TMEM94: variants seen among roughly 807,000 people sequenced by gnomAD.
The protein encoded by TMEM94 is ER Mg2+ ATPase.
In TMEM94, 81 loss-of-function variants were observed where a neutral mutation model predicts 158.6. The observed-to-expected ratio is 0.51, with a 90% CI of 0.43 to 0.61. The LOEUF is 0.61. Ranked by LOEUF, TMEM94 falls within the 20% of genes least tolerant of loss-of-function variation. The pLI is 0.00. For synonymous variants in TMEM94, 751 were observed against 730.7 expected (o/e 1.03, Z -0.45); for missense variants, 1,435 against 1,762.0 (o/e 0.81, Z 3.32).
At chr17:75,494,553 G>A in intron 18 of TMEM94, 74 bp from the exon 19 acceptor site, 1 of 1,472,992 alleles carries the variant, frequency 6.8e-7, no homozygotes, top group Non-Finnish European at 9.3e-7. Context: ...TTTGGGTGTG[G>A]CATCTGTGTG....
Position 75,490,275 on chromosome 17 carries a change from C to T in TMEM94, c.996C>T (p.Val332=), listed in dbSNP as rs756605977. Residue 332 remains valine (V), a synonymous_variant, in exon 10 of 32, where the codon GTC becomes GTT. Transcript: ENST00000314256. ...CCATCCTCCCCCTGCTCTTTCCAGT[C>T]CTCTGGGTTCTGGCAACTGCCTGTG... ...VLPILPLLFP[V]LWVLATACGE... is the part of the protein sequence containing the mutation. 8.1e-6 allele frequency: 13 copies of T among 1,614,028 alleles called. No individual in the cohort carries two copies. Among genetic ancestry groups the T allele is most frequent in the Non-Finnish European group, 1.0e-5 (12 of 1,180,032 alleles).
chr17:75,462,271 T>G (rs545452790), intron 1 of TMEM94, among the ~76,000 whole-genome samples: 53 of 151,890 alleles, frequency 3.5e-4, no homozygotes, highest in Non-Finnish European at 1.2e-4. Flanking sequence ...TCGATCTCTT[T>G]ACCTCGTGAT....
At chr17:75,471,204 A>G (rs2146230403) in intron 1 of TMEM94, among the ~76,000 whole-genome samples, 2 of 147,672 alleles carry the variant, frequency 1.4e-5, no homozygotes, top group South Asian at 4.3e-4. Flanking sequence ...GGGTCATAGC[A>G]CTCCAGCCTG....
chr17:75,498,815 G>T lies in TMEM94; in HGVS notation c.3827+93G>T. Reference sequence around the variant, plus strand: ...TCGGAGGGCGGGACCGGGGCCAGTGGTTTAACTGTACCCTGCCTGAGCTAA... The same window carrying T: ...TCGGAGGGCGGGACCGGGGCCAGTGTTTTAACTGTACCCTGCCTGAGCTAA... On this transcript the variant is annotated intron_variant, in intron 30 of 31. Transcript: ENST00000314256. The surrounding 1 kb of genome is among the most constrained non-coding windows in gnomAD (Gnocchi z 6.7). The T allele has an allele frequency of 6.6e-7, 1 of 1,524,226 alleles. No individual in the cohort carries two copies. Among genetic ancestry groups the T allele is most frequent in the Non-Finnish European group, 8.8e-7 (1 of 1,134,714 alleles). The allele number at this position is 1,524,226 out of a possible 1,614,324, so 94.4% of individuals were successfully genotyped here.
rs2052160365 is a variant in TMEM94, at chr17:75,491,324, CAG to C, written c.1256_1257del (p.Gln419ArgfsTer28). Reference protein sequence around the residue: ...SVTVLCCVDKQGILSWPNPSP... With the variant: ...SVTVLCCVDKXGILSWPNPSP... Reference sequence around the variant, plus strand: ...GCAGGTCCTGTGCTGTGTGGACAAACAGGGGATCCTGTCATGGCCAAATCCCA... The same window carrying C: ...GCAGGTCCTGTGCTGTGTGGACAAACGGGATCCTGTCATGGCCAAATCCCA... On this transcript the variant is annotated frameshift_variant, in exon 13 of 32. Transcript: ENST00000314256. LOFTEE classifies it high-confidence loss of function. The surrounding 1 kb of genome is among the most constrained non-coding windows in gnomAD (Gnocchi z 5.1). The C allele has an allele frequency of 1.1e-5, 17 of 1,614,046 alleles. No individual in the cohort carries two copies. The highest frequency in any genetic ancestry group is 1.3e-5 in the African/African-American group (1 of 74,956).
At chr17:75,478,024 T>C (rs2050818633) in intron 2 of TMEM94, among the ~76,000 whole-genome samples, 1 of 113,628 alleles carries the variant, frequency 8.8e-6, no homozygotes, top group African/African-American at 3.6e-5. Flanking sequence ...TTTTTTTTTT[T>C]TTTTTTTTTG....
rs989842961 is a variant in TMEM94, at chr17:75,458,873, C to T, written c.-107+2122C>T. Among the ~76,000 whole-genome samples, 33 of 151,616 alleles carry T rather than the reference C, an allele frequency of 2.2e-4. 1 individual carries two copies. Among genetic ancestry groups the T allele is most frequent in the Admixed American group, 2.2e-3 (33 of 15,216 alleles). ...GAGATCAAGACCATCCTGGCTAACA[C>T]GGTGAAACCCCATCTCTACTAAAAA... On this transcript the variant is annotated intron_variant, in intron 1 of 31. Coordinates refer to ENST00000314256, the MANE Select transcript of TMEM94 (RefSeq NM_014738.6).
At chr17:75,478,138 C>G (rs1232495595) in intron 2 of TMEM94, among the ~76,000 whole-genome samples, 4 of 133,260 alleles carry the variant, frequency 3.0e-5, no homozygotes, top group Admixed American at 1.5e-4. Context: ...GCCTCAGCCT[C>G]CCAAGTAGCT....
intron 2 of TMEM94, chr17:75,476,532 C>T (rs545066234): frequency 1.8e-5 from 26 of 1,432,528 alleles, no homozygotes; most frequent in South Asian, 1.7e-4. Context: ...TGCTCTGCTG[C>T]GCCTGATTCT....
Position 75,495,576 on chromosome 17 carries a change from G to A in TMEM94, c.2877G>A (p.Arg959=), listed in dbSNP as rs757905872. The change falls in exon 22 of 32, where the codon CGG becomes CGA. Residue 959 remains arginine, a synonymous_variant. Transcript: ENST00000314256. The surrounding 1 kb of genome is among the most constrained non-coding windows in gnomAD (Gnocchi z 5.6). The part of the protein sequence containing the change: ...AKLPRGIHQV[R]PHLQNIDNVP... ...TGCCCCGGGGTATCCACCAAGTGCG[G>A]CCCCACCTGCAGAACATTGACAACG... The A allele has an allele frequency of 8.7e-6, 14 of 1,613,384 alleles. No homozygotes were observed. In the South Asian group the frequency reaches 9.9e-5, roughly 11 times the overall value.
At position 75,491,410 on chromosome 17, in the gene TMEM94, G is replaced by A; in HGVS notation, c.1341G>A (p.Glu447=). 1 of 1,614,154 alleles carries A rather than the reference G, an allele frequency of 6.2e-7. No individual in the cohort carries two copies. Among genetic ancestry groups the A allele is most frequent in the Non-Finnish European group, 8.5e-7 (1 of 1,180,032 alleles). The change falls in exon 13 of 32, where the codon GAG becomes GAA. Residue 447 remains glutamate, a synonymous_variant. Transcript: ENST00000314256. The surrounding 1 kb of genome is among the most constrained non-coding windows in gnomAD (Gnocchi z 5.1). ...TGGAGCCCCCTCACAGCAGCCATGA[G>A]GACCTCACCGATGGCCTATCCACCC... ...GKVEPPHSSH[E]DLTDGLSTRS...
chr17:75,481,119 C>A (rs11867542), intron 2 of TMEM94, among the ~76,000 whole-genome samples: 1 of 152,204 alleles, frequency 6.6e-6, no homozygotes, highest in Non-Finnish European at 1.5e-5. Context: ...TACAACCCTC[C>A]CTGAAGCTTT....
In TMEM94 at chr17:75,493,573, C is replaced by T; in HGVS notation, c.2169C>T (p.Tyr723=). Reference sequence around the variant, plus strand: ...ACTTCTGGGACGGAGCTGACATCTACCCTCTCTCGGGATCTGACAGGTGGG... The same window carrying T: ...ACTTCTGGGACGGAGCTGACATCTATCCTCTCTCGGGATCTGACAGGTGGG... The part of the protein sequence containing the change: ...CTDFWDGADI[Y]PLSGSDRKKV... The change falls in exon 17 of 32, where the codon TAC becomes TAT. Residue 723 remains tyrosine (Y), a synonymous_variant. Transcript: ENST00000314256. The T allele has an allele frequency of 1.2e-6, 2 of 1,614,048 alleles. No individual in the cohort carries two copies. The highest frequency in any genetic ancestry group is 1.7e-6 in the Non-Finnish European group (2 of 1,180,026).
At position 75,498,189 on chromosome 17, in the gene TMEM94, C is replaced by T; in HGVS notation, c.3504C>T (p.Phe1168=). ...TGTTCCCGCAGACCCAGCACTACTT[C>T]CTGCTCTGCTTCCTGCTCAAGTTCA... ...QSIPKKTQHY[F]LLCFLLKFSL... Residue 1168 remains phenylalanine, a synonymous_variant, in exon 28 of 32, where the codon TTC becomes TTT. Transcript: ENST00000314256. The surrounding 1 kb of genome is among the most constrained non-coding windows in gnomAD (Gnocchi z 6.7). 1 of 1,613,972 alleles carries T rather than the reference C, an allele frequency of 6.2e-7. No individual in the cohort carries two copies. The highest frequency in any genetic ancestry group is 8.5e-7 in the Non-Finnish European group (1 of 1,180,010).
In TMEM94 at chr17:75,485,127, A is replaced by C. The variant is rs761729393; in HGVS notation, c.25-301A>C. Among the ~76,000 whole-genome samples, 1 of 152,034 alleles carries C rather than the reference A, an allele frequency of 6.6e-6. No homozygotes were observed. Among genetic ancestry groups the C allele is most frequent in the Non-Finnish European group, 1.5e-5 (1 of 67,998 alleles). ...AGTGGTGAGCACAGCCTGGGTGGGC[A>C]GGGAGCTCGCCAGGGGCAGTGGGGA... On this transcript the variant is annotated intron_variant, in intron 2 of 31. Coordinates refer to ENST00000314256, the MANE Select transcript of TMEM94 (RefSeq NM_014738.6). The surrounding 1 kb of genome is among the most constrained non-coding windows in gnomAD (Gnocchi z 5.5).
chr17:75,488,954 T>C, intron 7 of TMEM94, 44 bp downstream of exon 7: 1 of 1,521,576 alleles, frequency 6.6e-7, no homozygotes, highest in African/African-American at 1.4e-5. Context: ...GTGTCTTCTG[T>C]GAAGAGGGGA....
intron 2 of TMEM94, chr17:75,476,662 T>C (rs2050706626): frequency 6.5e-7 from 1 of 1,535,278 alleles, no homozygotes; most frequent in Non-Finnish European, 8.7e-7. Flanking sequence ...TTCTTGCAGC[T>C]GACTGCTTGT....
chr17:75,472,576 C>T (rs901599838), intron 2 of TMEM94, among the ~76,000 whole-genome samples: 11 of 152,214 alleles, frequency 7.2e-5, no homozygotes, highest in African/African-American at 2.7e-4. Flanking sequence ...GTAATCCCAG[C>T]TACTTGGGAG....
intron 26 of TMEM94, 105 bp downstream of exon 26, chr17:75,497,303 A>G: frequency 1.3e-6 from 1 of 758,986 alleles, no homozygotes; most frequent in Non-Finnish European, 2.2e-6. Flanking sequence ...CTCAGGTCTC[A>G]CCTCCTCTGG....
Sources: allele counts gnomAD v4.1 joint callset (sites outside exome capture counted in the v4.1 genomes callset), GRCh38; gene constraint gnomAD v4.1.1; non-coding constraint Gnocchi (gnomAD v3.1); transcripts MANE v1.5; gene names NCBI Gene and HGNC (gene_info 2026-07-23, HGNC 2026-07-21).